PKHD1: variants seen among roughly 807,000 people sequenced by gnomAD.
PKHD1 encodes fibrocystin.
PKHD1 carries 291 observed loss-of-function variants against 412.0 expected under a neutral mutation model. The ratio of observed to expected loss-of-function variants is 0.71; its 90% CI spans 0.64 to 0.78. The LOEUF (loss-of-function observed/expected upper bound fraction) is 0.78. PKHD1 is among the 30% of genes least tolerant of loss of function. The pLI is 0.00. For synonymous variants in PKHD1, 1,777 were observed against 1,821.5 expected, an observed-to-expected ratio of 0.98 and a Z score of 0.62; for missense variants, 4,825 against 4,950.7, an observed-to-expected ratio of 0.97 and a Z score of 0.76.
At chr6:51,645,662 G>A (rs1461591329) in intron 63 of PKHD1, among the ~76,000 whole-genome samples, 2 of 152,094 alleles carry the variant, frequency 1.3e-5, no homozygotes, top group African/African-American at 4.8e-5. Flanking sequence ...CCAAAGTGCT[G>A]GATTACAGGC....
chr6:51,934,038 T>G, intron 37 of PKHD1, 72 bp downstream of exon 37: 1 of 1,205,622 alleles, frequency 8.3e-7, no homozygotes, highest in East Asian at 2.3e-5. Context: ...CAAGGACTTT[T>G]AAACAGTTTT....
At chr6:51,710,784 G>A (rs1232646334) in intron 60 of PKHD1, among the ~76,000 whole-genome samples, 1 of 152,146 alleles carries the variant, frequency 6.6e-6, no homozygotes, top group South Asian at 2.1e-4. Flanking sequence ...ACCAAATGAG[G>A]TAAGCGCCAT....
chr6:51,693,346 T>G lies in PKHD1; in HGVS notation c.10157-33377A>C, dbSNP rs147188769. Among the ~76,000 whole-genome samples the G allele has an allele frequency of 8.7e-3, 1,330 of 152,300 alleles. 9 individuals carry two copies. Among genetic ancestry groups the G allele is most frequent in the Non-Finnish European group, 0.012 (827 of 68,026 alleles). On this transcript the variant is annotated intron_variant, in intron 60 of 66. Transcript: ENST00000371117. ...TCTACTACTTAACAATTATTTGACT[T>G]AAGAGACCCAGAAAACAAATGGCTT...
At chr6:51,735,582 A>C (rs1783735393) in intron 60 of PKHD1, among the ~76,000 whole-genome samples, 1 of 152,152 alleles carries the variant, frequency 6.6e-6, no homozygotes, top group African/African-American at 2.4e-5. Context: ...ATAAAGAAAG[A>C]AGGAGAAAAC....
chr6:51,950,796 CA>C (rs1790255992), intron 36 of PKHD1, among the ~76,000 whole-genome samples: 1 of 152,078 alleles, frequency 6.6e-6, no homozygotes, highest in Non-Finnish European at 1.5e-5. Context: ...GTCACTCAAC[CA>C]ACATTTACCA....
intron 52 of PKHD1, among the ~76,000 whole-genome samples, chr6:51,824,092 T>C (rs991235535): frequency 2.0e-5 from 3 of 152,142 alleles, no homozygotes; most frequent in African/African-American, 7.2e-5. Flanking sequence ...TGTCATAGCA[T>C]TTTACAATTT....
intron 52 of PKHD1, among the ~76,000 whole-genome samples, chr6:51,804,079 A>C (rs1227928824): frequency 6.6e-6 from 1 of 151,282 alleles, no homozygotes; most frequent in Non-Finnish European, 1.5e-5. Flanking sequence ...TGTGATACCC[A>C]CCAAAATGAT....
At chr6:51,649,688 G>A (rs758866402) in intron 61 of PKHD1, among the ~76,000 whole-genome samples, 4 of 152,092 alleles carry the variant, frequency 2.6e-5, no homozygotes, top group Admixed American at 2.6e-4. Flanking sequence ...ATTCTGAGAT[G>A]ACAAGATAAT....
chr6:51,730,420 T>C (rs1329144986), intron 60 of PKHD1, among the ~76,000 whole-genome samples: 1 of 152,200 alleles, frequency 6.6e-6, no homozygotes, highest in African/African-American at 2.4e-5. Context: ...CCCTACATGA[T>C]GAGTCAAATG....
At chr6:51,979,068 G>A (rs998260639) in intron 35 of PKHD1, among the ~76,000 whole-genome samples, 7 of 152,070 alleles carry the variant, frequency 4.6e-5, no homozygotes, top group Admixed American at 2.6e-4. Flanking sequence ...GACTTGTCCC[G>A]TCCTTAATCC....
chr6:51,867,795 G>C, intron 48 of PKHD1, 68 bp downstream of exon 48: 1 of 1,413,958 alleles, frequency 7.1e-7, no homozygotes, highest in Non-Finnish European at 1.0e-6. Flanking sequence ...CCTTCTATAA[G>C]CCTCGACAGC....
chr6:51,646,498 C>A (rs1770106842), intron 63 of PKHD1, among the ~76,000 whole-genome samples: 2 of 152,160 alleles, frequency 1.3e-5, no homozygotes, highest in Admixed American at 6.5e-5. Flanking sequence ...ACCCAGAACA[C>A]AAACTATATT....
At chr6:51,940,787 C>G (rs560575163) in intron 36 of PKHD1, among the ~76,000 whole-genome samples, 6 of 151,664 alleles carry the variant, frequency 4.0e-5, no homozygotes, top group Middle Eastern at 3.4e-3. Flanking sequence ...ACCTTCTTTT[C>G]AAGGACCTGT....
intron 48 of PKHD1, among the ~76,000 whole-genome samples, chr6:51,861,971 C>T (rs1266403228): frequency 6.6e-6 from 1 of 152,162 alleles, no homozygotes; most frequent in African/African-American, 2.4e-5. Context: ...AACACGAGAA[C>T]ACTGTTATTG....
intron 53 of PKHD1, among the ~76,000 whole-genome samples, chr6:51,787,694 T>C (rs114870452): frequency 0.039 from 5,905 of 152,010 alleles, 176 homozygotes; most frequent in Middle Eastern, 0.11. Flanking sequence ...GGGTAGAAAA[T>C]AGAATTGGGA....
intron 61 of PKHD1, among the ~76,000 whole-genome samples, chr6:51,652,053 G>A (rs1322755738): frequency 6.6e-6 from 1 of 152,102 alleles, no homozygotes; most frequent in Non-Finnish European, 1.5e-5. Flanking sequence ...ATTTCCAACT[G>A]CTAATGTGAC....
At chr6:51,949,018 G>T (rs1789904250) in intron 36 of PKHD1, among the ~76,000 whole-genome samples, 1 of 152,098 alleles carries the variant, frequency 6.6e-6, no homozygotes, top group South Asian at 2.1e-4. Context: ...CCCAGGGAGA[G>T]TGATTCTATT....
intron 60 of PKHD1, among the ~76,000 whole-genome samples, chr6:51,723,023 C>A (rs1782120063): frequency 6.6e-6 from 1 of 152,140 alleles, no homozygotes; most frequent in Non-Finnish European, 1.5e-5. Context: ...ACTTACTTCA[C>A]TAATTACTCA....
At chr6:51,829,663 C>T (rs1310444742) in intron 52 of PKHD1, among the ~76,000 whole-genome samples, 2 of 152,156 alleles carry the variant, frequency 1.3e-5, no homozygotes, top group Non-Finnish European at 2.9e-5. Context: ...CACACCTGTC[C>T]CTCGTGTCTC....
Sources: allele counts gnomAD v4.1 joint callset (sites outside exome capture counted in the v4.1 genomes callset), GRCh38; gene constraint gnomAD v4.1.1; transcripts MANE v1.5; gene names NCBI Gene and HGNC (gene_info 2026-07-23, HGNC 2026-07-21).